Variants in KLF8 observed in about 807,000 individuals in gnomAD.
KLF8 encodes the protein KLF transcription factor 8.
In KLF8, 10 loss-of-function variants were observed where a neutral mutation model predicts 18.2. The ratio of observed to expected loss-of-function variants is 0.55; its 90% CI spans 0.34 to 0.93. KLF8 has a LOEUF of 0.93. KLF8 is among the 40% of genes least tolerant of loss of function. The probability of loss-of-function intolerance (pLI) is 0.02; values close to 1 mark genes in which losing one functional copy is unlikely to be tolerated. For missense variants in KLF8, 264 were observed against 277.9 expected, an observed-to-expected ratio of 0.95 and a Z score of 0.36; for synonymous variants, 109 against 97.3, an observed-to-expected ratio of 1.12 and a Z score of -0.71.
chrX:56,248,422 G>A (rs5914604), intron 1 of KLF8, among the ~76,000 whole-genome samples: 16,380 of 111,269 alleles, frequency 0.15, 1,219 homozygotes, highest in Non-Finnish European at 0.23. Context: ...GCAATACCGT[G>A]TTACCCCCTC....
chrX:55,936,335 G>A, the KLF8 span, among the ~76,000 whole-genome samples: 2 of 112,399 alleles, frequency 1.8e-5, no homozygotes, highest in South Asian at 3.7e-4. Context: ...GACAAAAAAA[G>A]CAATTACACT....
the KLF8 span, among the ~76,000 whole-genome samples, chrX:55,987,302 A>T: frequency 9.1e-6 from 1 of 109,669 alleles, no homozygotes; most frequent in African/African-American, 3.3e-5. Flanking sequence ...TGCACCCATT[A>T]ACACTTCATT....
Position 56,267,794 on chromosome X carries a change from T to C in KLF8, c.647-1584T>C, listed in dbSNP as rs191641919. The C allele has an allele frequency of 1.2e-4, 13 of 112,115 alleles. No individual in the cohort carries two copies. In the East Asian group the frequency reaches 3.3e-3, roughly 29 times the overall value. 9.2% of individuals were successfully genotyped at this position (112,115 alleles called of 1,213,427 possible). ...TAAATGCATTACCTCATTATCATTT[T>C]TGTGGTGAGAGCACTTAATGTCCAT... On this transcript the variant is annotated intron_variant, in intron 3 of 5. Coordinates refer to ENST00000468660, the MANE Select transcript of KLF8 (RefSeq NM_007250.5).
the KLF8 span, chrX:55,961,890 G>A: frequency 9.4e-6 from 2 of 212,217 alleles, no homozygotes; most frequent in South Asian, 1.4e-4. Flanking sequence ...CAACAGTGGT[G>A]AAGAAAAATA....
the KLF8 span, among the ~76,000 whole-genome samples, chrX:55,998,443 C>T: frequency 1.2e-4 from 14 of 112,523 alleles, no homozygotes; most frequent in Non-Finnish European, 7.5e-5. Context: ...TGCGGCCTTC[C>T]GCAGTTTTTG....
At chrX:56,159,014 G>C in the KLF8 span, among the ~76,000 whole-genome samples, 2 of 111,766 alleles carry the variant, frequency 1.8e-5, no homozygotes, top group East Asian at 2.8e-4. Flanking sequence ...TATGATATTG[G>C]ATGTGGGTTT....
chrX:55,916,603 A>T, the KLF8 span, among the ~76,000 whole-genome samples: 1 of 111,564 alleles, frequency 9.0e-6, no homozygotes, highest in Non-Finnish European at 1.9e-5. Flanking sequence ...ACAGGCATGG[A>T]TGGAAAAGAG....
At chrX:56,126,238 T>G in the KLF8 span, among the ~76,000 whole-genome samples, 2 of 111,606 alleles carry the variant, frequency 1.8e-5, no homozygotes, top group African/African-American at 6.5e-5. Flanking sequence ...AAACATTAGA[T>G]TCATCACTGT....
the KLF8 span, among the ~76,000 whole-genome samples, chrX:56,193,399 A>G: frequency 8.9e-6 from 1 of 111,925 alleles, no homozygotes; most frequent in Non-Finnish European, 1.9e-5. Flanking sequence ...ACCACCATGG[A>G]GAACAGTTTG....
chrX:55,920,603 G>GAC, the KLF8 span, among the ~76,000 whole-genome samples: 2 of 110,300 alleles, frequency 1.8e-5, no homozygotes, highest in Admixed American at 1.9e-4. Flanking sequence ...GGAAATCAAG[G>GAC]ACACACTTAG....
the KLF8 span, among the ~76,000 whole-genome samples, chrX:56,159,902 G>A: frequency 9.0e-6 from 1 of 111,163 alleles, no homozygotes; most frequent in Admixed American, 9.6e-5. Context: ...GTTCTGCTCT[G>A]ATCTTAGTTA....
At chrX:56,080,495 C>G in the KLF8 span, among the ~76,000 whole-genome samples, 8,750 of 111,143 alleles carry the variant, frequency 0.079, 895 homozygotes, top group African/African-American at 0.28. Flanking sequence ...CTTCTGGCTT[C>G]TAGGGTTTCT....
chrX:56,280,409 A>AT (rs1207889360), intron 5 of KLF8, among the ~76,000 whole-genome samples: 1 of 110,964 alleles, frequency 9.0e-6, no homozygotes, highest in Non-Finnish European at 1.9e-5. Flanking sequence ...AATTTTGTTT[A>AT]TTTTTTTGTA....
the KLF8 span, among the ~76,000 whole-genome samples, chrX:56,045,045 C>T: frequency 9.8e-5 from 11 of 111,985 alleles, no homozygotes; most frequent in Non-Finnish European, 1.9e-4. Flanking sequence ...AGATTTAATT[C>T]TTTGGTCCAT....
the KLF8 span, among the ~76,000 whole-genome samples, chrX:56,012,994 G>A: frequency 8.9e-6 from 1 of 111,743 alleles, no homozygotes; most frequent in Non-Finnish European, 1.9e-5. Context: ...AAACAGCATG[G>A]TACTGGTACA....
At chrX:55,924,131 G>A in the KLF8 span, among the ~76,000 whole-genome samples, 2 of 111,341 alleles carry the variant, frequency 1.8e-5, no homozygotes, top group African/African-American at 3.3e-5. Context: ...GTGCAGTGGC[G>A]CGATCTCAGC....
chrX:56,131,905 T>TA, the KLF8 span, among the ~76,000 whole-genome samples: 1 of 112,197 alleles, frequency 8.9e-6, no homozygotes, highest in African/African-American at 3.2e-5. Context: ...GGATATTATA[T>TA]AATGATAAAA....
At chrX:56,147,381 T>C in the KLF8 span, among the ~76,000 whole-genome samples, 7 of 112,124 alleles carry the variant, frequency 6.2e-5, no homozygotes, top group Non-Finnish European at 1.3e-4. Flanking sequence ...CTTTTAACTC[T>C]TACAGATACT....
At chrX:56,092,633 G>A in the KLF8 span, among the ~76,000 whole-genome samples, 1 of 110,426 alleles carries the variant, frequency 9.1e-6, no homozygotes, top group Non-Finnish European at 1.9e-5. Flanking sequence ...CCATTTGTCT[G>A]TGTGTCTGTT....
Sources: allele counts gnomAD v4.1 joint callset (sites outside exome capture counted in the v4.1 genomes callset), GRCh38; gene constraint gnomAD v4.1.1; transcripts MANE v1.5; gene names NCBI Gene and HGNC (gene_info 2026-07-23, HGNC 2026-07-21).